Variants in PLB1 observed in about 807,000 individuals in gnomAD.
PLB1 encodes phospholipase B1, membrane-associated.
In PLB1, 242 loss-of-function variants were observed where a neutral mutation model predicts 227.4. The ratio of observed to expected loss-of-function variants is 1.06; its 90% CI spans 0.96 to 1.18. PLB1 has a LOEUF of 1.18. PLB1 is among the 50% of genes most tolerant of loss of function. PLB1 has a pLI of 0.00. For missense variants in PLB1, 1,858 were observed against 1,816.3 expected (o/e 1.02, Z -0.42); for synonymous variants, 757 against 682.2 (o/e 1.11, Z -1.71).
At chr2:28,536,699 A>C (rs1453687438) in intron 9 of PLB1, among the ~76,000 whole-genome samples, 2 of 152,228 alleles carry the variant, frequency 1.3e-5, no homozygotes, top group Non-Finnish European at 2.9e-5. Flanking sequence ...AGTTCATTTG[A>C]AGAAATCAGC....
intron 51 of PLB1, among the ~76,000 whole-genome samples, chr2:28,626,852 T>G (rs1277680710): frequency 6.6e-6 from 1 of 152,222 alleles, no homozygotes; most frequent in Non-Finnish European, 1.5e-5. Context: ...ATCCCTGCCC[T>G]GTTTCATTTT....
intron 14 of PLB1, among the ~76,000 whole-genome samples, chr2:28,547,929 T>A (rs1673552296): frequency 6.6e-6 from 1 of 152,200 alleles, no homozygotes; most frequent in Non-Finnish European, 1.5e-5. Flanking sequence ...ACTAAGTTGA[T>A]AATCTGCTGG....
rs1672487225 is a variant in PLB1, at chr2:28,541,580, T to C, written c.775-127T>C. On this transcript the variant is annotated intron_variant, in intron 12 of 57. Coordinates refer to ENST00000327757, the MANE Select transcript of PLB1 (RefSeq NM_153021.5). ...GGTGAGACAAGAGGGAGCTTCAGAA[T>C]AGCACTTGACCACAACGCAAGAGGC... 6.4e-5 allele frequency: 42 copies of C among 657,722 alleles called. No homozygotes were observed. In the South Asian group the frequency reaches 7.9e-4, roughly 12 times the overall value. The allele number at this position is 657,722 out of a possible 1,614,324, so 40.7% of individuals were successfully genotyped here. A position where few individuals can be genotyped will look rare whatever the true frequency, so the allele number is the denominator to read the frequency against.
intron 57 of PLB1, among the ~76,000 whole-genome samples, chr2:28,641,347 C>T (rs1689952150): frequency 1.3e-5 from 2 of 152,212 alleles, no homozygotes; most frequent in Admixed American, 6.5e-5. Flanking sequence ...GTGGCTCACG[C>T]CTATAATCCC....
chr2:28,579,360 C>T (rs1679525091), intron 22 of PLB1, among the ~76,000 whole-genome samples: 1 of 152,172 alleles, frequency 6.6e-6, no homozygotes, highest in Non-Finnish European at 1.5e-5. Context: ...GCATCTGTAT[C>T]CACTCCCACC....
chr2:28,557,541 G>A (rs1274282345), intron 17 of PLB1, among the ~76,000 whole-genome samples: 2 of 152,182 alleles, frequency 1.3e-5, no homozygotes, highest in East Asian at 3.9e-4. Context: ...CCTTTCTCCT[G>A]GGTATAACCT....
intron 14 of PLB1, 22 bp downstream of exon 14, chr2:28,543,290 T>C: frequency 6.2e-7 from 1 of 1,607,264 alleles, no homozygotes; most frequent in Non-Finnish European, 8.5e-7. Flanking sequence ...GGGCCTGGGG[T>C]GGGGCCCACA....
chr2:28,541,359 A>G (rs1020042450), intron 12 of PLB1, among the ~76,000 whole-genome samples: 4 of 152,114 alleles, frequency 2.6e-5, no homozygotes, highest in Non-Finnish European at 5.9e-5. Context: ...AAATGACAAC[A>G]TTTTTTGAGT....
chr2:28,563,616 T>C (rs932393110), intron 18 of PLB1, among the ~76,000 whole-genome samples: 1 of 152,020 alleles, frequency 6.6e-6, no homozygotes, highest in African/African-American at 2.4e-5. Flanking sequence ...AAGAGGCAGA[T>C]AGGCCAGAGA....
intron 8 of PLB1, among the ~76,000 whole-genome samples, chr2:28,531,374 C>T (rs993570844): frequency 4.6e-5 from 7 of 152,070 alleles, no homozygotes; most frequent in Admixed American, 1.3e-4. Context: ...TGCAATGGTG[C>T]GATCTCGTTT....
At chr2:28,544,411 C>T (rs531303009) in intron 14 of PLB1, among the ~76,000 whole-genome samples, 1 of 152,226 alleles carries the variant, frequency 6.6e-6, no homozygotes, top group Non-Finnish European at 1.5e-5. Flanking sequence ...AGCCAAACCT[C>T]TCCTCTCCTG....
rs750783834 is a variant in PLB1, at chr2:28,590,030, CT to C, written c.2043del (p.Arg682ValfsTer20). 5.0e-6 allele frequency: 8 copies of C among 1,613,890 alleles called. No individual in the cohort carries two copies. In the South Asian group the frequency reaches 8.8e-5, roughly 18 times the overall value. ...CTGGAGCCTGTTGGCCAGAAGACGA[CT>C]CGTCATAAGTTTGAAAACAAGATCA... is the stretch of plus-strand genomic sequence containing the variant. ...NMLEPVGQKT[T>X]RHKFENKINI... On this transcript the variant is annotated frameshift_variant, in exon 29 of 58. Transcript: ENST00000327757. LOFTEE classifies it high-confidence loss of function.
In PLB1 at chr2:28,582,645, C is replaced by CT. The variant is rs911927763; in HGVS notation, c.1733+141dup. The CT allele has an allele frequency of 1.0e-5, 7 of 677,022 alleles. No individual in the cohort carries two copies. In the African/African-American group the frequency reaches 1.3e-4, roughly 12 times the overall value. The allele number at this position is 677,022 out of a possible 1,614,324, so 41.9% of individuals were successfully genotyped here. A position where few individuals can be genotyped will look rare whatever the true frequency, so the allele number is the denominator to read the frequency against. ...ACCCCATCTTCTAACCTGGAAAAGC[C>CT]TAAGGGGAGGATATCCTAGGATTTT... On this transcript the variant is annotated intron_variant, in intron 25 of 57. Coordinates refer to ENST00000327757, the MANE Select transcript of PLB1 (RefSeq NM_153021.5).
At chr2:28,523,622 T>A (rs959779790) in intron 4 of PLB1, among the ~76,000 whole-genome samples, 1 of 152,050 alleles carries the variant, frequency 6.6e-6, no homozygotes, top group Non-Finnish European at 1.5e-5. Context: ...CCCCCTCTCC[T>A]GGCCTTGTTC....
chr2:28,616,790 A>G (rs1363796770), intron 44 of PLB1, among the ~76,000 whole-genome samples: 1 of 152,240 alleles, frequency 6.6e-6, no homozygotes, highest in Non-Finnish European at 1.5e-5. Flanking sequence ...ACCAAATTCC[A>G]TAGGATTAAG....
chr2:28,558,671 A>C (rs528311438), intron 17 of PLB1, among the ~76,000 whole-genome samples: 2 of 151,570 alleles, frequency 1.3e-5, no homozygotes, highest in African/African-American at 4.8e-5. Context: ...CATGGTGCAT[A>C]TGTGCATGGT....
chr2:28,613,957 T>A, intron 43 of PLB1, 74 bp from the exon 44 acceptor site: 1 of 1,157,364 alleles, frequency 8.6e-7, no homozygotes, highest in African/African-American at 1.5e-5. Flanking sequence ...AGGGCAGGAT[T>A]GTTAGTTTTT....
At chr2:28,583,510 G>A (rs1305456021) in intron 25 of PLB1, among the ~76,000 whole-genome samples, 2 of 152,116 alleles carry the variant, frequency 1.3e-5, no homozygotes, top group Non-Finnish European at 2.9e-5. Flanking sequence ...TTAAAGTGCT[G>A]ACATGACACC....
At chr2:28,556,194 T>C (rs1039937256) in intron 17 of PLB1, among the ~76,000 whole-genome samples, 5 of 152,214 alleles carry the variant, frequency 3.3e-5, no homozygotes, top group Non-Finnish European at 7.3e-5. Flanking sequence ...CTTTATAGTC[T>C]CATTTTCTAG....
Sources: gnomAD v4.1 joint callset for allele counts (sites outside exome capture counted in the v4.1 genomes callset) on GRCh38, gnomAD v4.1.1 for gene constraint, MANE v1.5 for transcripts, NCBI Gene and HGNC (gene_info 2026-07-23, HGNC 2026-07-21) for gene names.